CACNB2: variants seen among roughly 807,000 people sequenced by gnomAD.
CACNB2 encodes calcium voltage-gated channel auxiliary subunit beta 2, also known as voltage-dependent L-type calcium channel subunit beta-2.
A neutral mutation model predicts 73.3 loss-of-function variants in CACNB2; 42 were observed. The observed-to-expected ratio is 0.57, with a 90% CI of 0.45 to 0.74. The LOEUF is 0.74. Ranked by LOEUF, CACNB2 falls within the 30% of genes least tolerant of loss-of-function variation. The pLI, the probability that CACNB2 is intolerant of heterozygous loss-of-function variation, is 0.00. For missense variants in CACNB2, 940 were observed against 853.0 expected, an observed-to-expected ratio of 1.10 and a Z score of -1.27; for synonymous variants, 348 against 310.3, an observed-to-expected ratio of 1.12 and a Z score of -1.28.
At chr10:18,199,899 G>A (rs1302651884) in intron 2 of CACNB2, among the ~76,000 whole-genome samples, 1 of 149,356 alleles carries the variant, frequency 6.7e-6, no homozygotes, top group African/African-American at 2.5e-5. Context: ...ACATTTTAAG[G>A]TAGAAGCAAC....
chr10:18,360,605 A>G (rs1318812050), intron 2 of CACNB2, among the ~76,000 whole-genome samples: 1 of 152,126 alleles, frequency 6.6e-6, no homozygotes, highest in Non-Finnish European at 1.5e-5. Context: ...AGGCAGACCT[A>G]TTGTTTTTAT....
chr10:18,222,407 T>TACATACAC (rs2035829061), intron 2 of CACNB2, among the ~76,000 whole-genome samples: 1 of 149,792 alleles, frequency 6.7e-6, no homozygotes, highest in South Asian at 2.1e-4. Flanking sequence ...CACACACACA[T>TACATACAC]ACACACACAC....
At chr10:18,358,079 C>T (rs1004508487) in intron 2 of CACNB2, among the ~76,000 whole-genome samples, 1 of 152,130 alleles carries the variant, frequency 6.6e-6, no homozygotes, top group Non-Finnish European at 1.5e-5. Context: ...AAAACACATT[C>T]ATCCATTCAA....
At chr10:18,512,688 AGT>A (rs754729284) in intron 6 of CACNB2, among the ~76,000 whole-genome samples, 13 of 152,330 alleles carry the variant, frequency 8.5e-5, no homozygotes, top group Non-Finnish European at 1.8e-4. Flanking sequence ...AGGAGAAATA[AGT>A]GTGTTTATTC....
intron 2 of CACNB2, among the ~76,000 whole-genome samples, chr10:18,385,994 G>A (rs540080223): frequency 6.6e-6 from 1 of 152,206 alleles, no homozygotes; most frequent in Admixed American, 6.5e-5. Context: ...CCCAGAATCA[G>A]AATTAGAATT....
Position 18,262,278 on chromosome 10 carries a change from G to C in CACNB2, c.213+111303G>C, listed in dbSNP as rs140392560. Among the ~76,000 whole-genome samples, 385 of 122,648 alleles carry C rather than the reference G, an allele frequency of 3.1e-3. 2 individuals carry two copies. Among genetic ancestry groups the C allele is most frequent in the African/African-American group, 0.011 (367 of 32,786 alleles). The allele number at this position is 122,648 out of a possible 152,430, so 80.5% of individuals were successfully genotyped here. On this transcript the variant is annotated intron_variant, in intron 2 of 13. Coordinates refer to ENST00000324631, the MANE Select transcript of CACNB2 (RefSeq NM_201596.3). Reference sequence around the variant, plus strand: ...TACAGGACAAACAAGGTCAAAATCTGATATGATCTCAATAATAAAGTTGGA... The same window carrying C: ...TACAGGACAAACAAGGTCAAAATCTCATATGATCTCAATAATAAAGTTGGA...
chr10:18,303,582 C>G (rs1003600211), intron 2 of CACNB2, among the ~76,000 whole-genome samples: 4 of 152,170 alleles, frequency 2.6e-5, no homozygotes, highest in Non-Finnish European at 4.4e-5. Context: ...TCACTTACTT[C>G]TCTTCATAAG....
rs144594450 is a variant in CACNB2 at position 18,307,322 on chromosome 10, C to T, written c.214-94602C>T. ...ACTAAAAATACCAACATTAGCCAGG[C>T]GTGGTGGCACACGCCTGTAGTCCCA... On this transcript the variant is annotated intron_variant, in intron 2 of 13. Coordinates refer to ENST00000324631, the MANE Select transcript of CACNB2 (RefSeq NM_201596.3). 4.1e-3 allele frequency among the ~76,000 whole-genome samples: 619 copies of T among 152,160 alleles called. 1 individual carries two copies. The highest frequency in any genetic ancestry group is 0.014 in the African/African-American group (581 of 41,496).
chr10:18,542,140 A>C lies in CACNB2; in HGVS notation c.*2416A>C, dbSNP rs1057114637. On this transcript the variant is annotated 3_prime_UTR_variant, in exon 14 of 14. Transcript: ENST00000324631. ...GCCCAGGAGGTGGAGGCTGCAGTGA[A>C]CCGTGACTGTACCAATGCACTCCAG... is the stretch of plus-strand genomic sequence containing the variant. 6.6e-6 allele frequency: 1 copy of C among 152,012 alleles called. No individual in the cohort carries two copies. Among genetic ancestry groups the C allele is most frequent in the Non-Finnish European group, 1.5e-5 (1 of 68,002 alleles). 9.4% of individuals were successfully genotyped at this position (152,012 alleles called of 1,614,324 possible).
At chr10:18,167,652 G>T (rs1588601014) in intron 2 of CACNB2, among the ~76,000 whole-genome samples, 1 of 152,008 alleles carries the variant, frequency 6.6e-6, no homozygotes, top group Non-Finnish European at 1.5e-5. Context: ...CATGATCGGG[G>T]GAAGTTTTAT....
chr10:18,190,747 G>GT (rs1418778726), intron 2 of CACNB2, among the ~76,000 whole-genome samples: 2 of 152,196 alleles, frequency 1.3e-5, no homozygotes, highest in Non-Finnish European at 2.9e-5. Flanking sequence ...GGTGGTAGCA[G>GT]TAGGAGTGAT....
intron 2 of CACNB2, among the ~76,000 whole-genome samples, chr10:18,340,329 A>G (rs2041179960): frequency 6.6e-6 from 1 of 152,244 alleles, no homozygotes; most frequent in Non-Finnish European, 1.5e-5. Flanking sequence ...TAGATTTTCC[A>G]TACACACTGA....
intron 2 of CACNB2, among the ~76,000 whole-genome samples, chr10:18,379,027 C>T (rs575090980): frequency 2.0e-5 from 3 of 152,140 alleles, no homozygotes; most frequent in South Asian, 4.2e-4. Context: ...TGTAATGCAT[C>T]CATTTGCTTA....
At chr10:18,472,256 A>G (rs1400598567) in intron 3 of CACNB2, among the ~76,000 whole-genome samples, 1 of 80,564 alleles carries the variant, frequency 1.2e-5, no homozygotes, top group African/African-American at 4.8e-5. Flanking sequence ...TTTTTTTTTG[A>G]CATGGAGTCT....
intron 9 of CACNB2, among the ~76,000 whole-genome samples, chr10:18,526,177 T>C (rs1021644760): frequency 6.6e-6 from 1 of 152,220 alleles, no homozygotes; most frequent in Non-Finnish European, 1.5e-5. Flanking sequence ...CCAATATCAT[T>C]ATCTTTGGGT....
chr10:18,215,880 T>A (rs1254396110), intron 2 of CACNB2, among the ~76,000 whole-genome samples: 1 of 152,198 alleles, frequency 6.6e-6, no homozygotes, highest in Non-Finnish European at 1.5e-5. Context: ...GTCAGTGCTT[T>A]CATTGTTTCT....
intron 2 of CACNB2, among the ~76,000 whole-genome samples, chr10:18,215,985 C>T (rs190476186): frequency 6.6e-6 from 1 of 152,152 alleles, no homozygotes; most frequent in Non-Finnish European, 1.5e-5. Context: ...TAATTCTCTC[C>T]TGTTATTTTA....
intron 3 of CACNB2, among the ~76,000 whole-genome samples, chr10:18,442,943 T>TATAC (rs2046502430): frequency 4.3e-5 from 1 of 23,368 alleles, no homozygotes; most frequent in Non-Finnish European, 6.3e-5. Flanking sequence ...TATATATATG[T>TATAC]GTATATATAT....
intron 2 of CACNB2, among the ~76,000 whole-genome samples, chr10:18,190,134 G>A (rs934749345): frequency 1.6e-4 from 25 of 152,104 alleles, no homozygotes; most frequent in African/African-American, 6.0e-4. Context: ...GAGACCCCTG[G>A]CTAAATTTAG....
Sources: allele counts gnomAD v4.1 joint callset (sites outside exome capture counted in the v4.1 genomes callset), GRCh38; gene constraint gnomAD v4.1.1; transcripts MANE v1.5; gene names NCBI Gene and HGNC (gene_info 2026-07-23, HGNC 2026-07-21).